Variants in BEND6 observed in about 807,000 individuals in gnomAD.
The protein encoded by BEND6 is BEN domain-containing protein 6.
Under a neutral mutation model 31.8 loss-of-function variants are expected in BEND6, and 24 were observed. The ratio of observed to expected loss-of-function variants is 0.75; its 90% confidence interval spans 0.55 to 1.06. BEND6 has a LOEUF of 1.06. Ranked by LOEUF, BEND6 falls within the 50% of genes least tolerant of loss-of-function variation. BEND6 has a pLI of 0.00. For synonymous variants in BEND6, 109 were observed against 114.6 expected, an observed-to-expected ratio of 0.95 and a Z score of 0.31; for missense variants, 294 against 327.4, an observed-to-expected ratio of 0.90 and a Z score of 0.79.
At chr6:57,017,181 A>G (rs929262588) in intron 4 of BEND6, 26 bp from the exon 5 acceptor site, 1 of 1,544,650 alleles carries the variant, frequency 6.5e-7, no homozygotes, top group Middle Eastern at 1.7e-4. Flanking sequence ...TCTTTTTCCA[A>G]CTTCAACTCT....
At chr6:56,967,833 G>A (rs1222703530) in intron 1 of BEND6, among the ~76,000 whole-genome samples, 1 of 152,190 alleles carries the variant, frequency 6.6e-6, no homozygotes, top group African/African-American at 2.4e-5. Flanking sequence ...TGGCTTGAGC[G>A]TGCTTATGGA....
Position 57,018,577 on chromosome 6 carries a change from A to C in BEND6, c.*9+20A>C, listed in dbSNP as rs1179517275. ...CTTTTGGTAAGTCTTTTAAATCTTC[A>C]GTCCTTTCAATGTGGCAAGAAAATG... On this transcript the variant is annotated intron_variant, in intron 6 of 6. Coordinates refer to ENST00000370746, the MANE Select transcript of BEND6 (RefSeq NM_152731.3). 1.4e-6 allele frequency: 2 copies of C among 1,478,306 alleles called. No individual in the cohort carries two copies. The highest frequency in any genetic ancestry group is 2.9e-5 in the South Asian group (2 of 69,102). The allele number at this position is 1,478,306 out of a possible 1,614,324, so 91.6% of individuals were successfully genotyped here.
intron 2 of BEND6, among the ~76,000 whole-genome samples, chr6:56,984,533 C>T (rs1434337080): frequency 6.6e-6 from 1 of 152,162 alleles, no homozygotes; most frequent in Non-Finnish European, 1.5e-5. Context: ...TTTAGGGAAA[C>T]TCAAGGATTG....
intron 5 of BEND6, among the ~76,000 whole-genome samples, chr6:57,017,913 G>A (rs935287374): frequency 6.6e-6 from 1 of 152,122 alleles, no homozygotes; most frequent in African/African-American, 2.4e-5. Context: ...CTGTCTTCCT[G>A]AAACAAAAAA....
chr6:56,996,305 G>A (rs1826707674), intron 3 of BEND6, among the ~76,000 whole-genome samples: 2 of 152,046 alleles, frequency 1.3e-5, no homozygotes, highest in Admixed American at 6.6e-5. Flanking sequence ...AAATTAGCCA[G>A]GCATGGTGTT....
intron 1 of BEND6, among the ~76,000 whole-genome samples, chr6:56,956,281 T>C (rs1824949063): frequency 6.6e-6 from 1 of 152,246 alleles, no homozygotes; most frequent in Non-Finnish European, 1.5e-5. Flanking sequence ...GTCATAAAAA[T>C]TTATAAAAAT....
chr6:57,009,007 A>T (rs1268933070), intron 3 of BEND6: 6 of 152,232 alleles, frequency 3.9e-5, no homozygotes, highest in Non-Finnish European at 7.3e-5. Context: ...CATTATGTTA[A>T]GTGAAATAAG....
chr6:57,004,421 C>T, intron 3 of BEND6: 1 of 566,276 alleles, frequency 1.8e-6, no homozygotes, highest in South Asian at 1.8e-5. Flanking sequence ...AGCCCTCATC[C>T]CCCCACCCCA....
At position 56,955,401 on chromosome 6, in the gene BEND6, C is replaced by T. The variant is rs973903558; in HGVS notation, c.-160C>T. Reference sequence around the variant, plus strand: ...ACAGGAGCCTCCCGGCGGTGCTACCCTCCACCTCCCACCTCCCTGCGCCCC... The same window carrying T: ...ACAGGAGCCTCCCGGCGGTGCTACCTTCCACCTCCCACCTCCCTGCGCCCC... On this transcript the variant is annotated 5_prime_UTR_variant, in exon 1 of 7. Transcript: ENST00000370746. The T allele has an allele frequency of 6.6e-6, 1 of 152,316 alleles. No individual in the cohort carries two copies. The highest frequency in any genetic ancestry group is 1.5e-5 in the Non-Finnish European group (1 of 68,150). 9.4% of individuals were successfully genotyped at this position (152,316 alleles called of 1,614,324 possible).
intron 3 of BEND6, among the ~76,000 whole-genome samples, chr6:56,992,848 A>G (rs1255625136): frequency 3.9e-5 from 6 of 152,220 alleles, no homozygotes; most frequent in Non-Finnish European, 7.3e-5. Flanking sequence ...CACGACTCAC[A>G]GTGCTAAGCC....
chr6:57,023,002 C>G (rs1827798059), intron 6 of BEND6, among the ~76,000 whole-genome samples: 1 of 152,072 alleles, frequency 6.6e-6, no homozygotes, highest in Non-Finnish European at 1.5e-5. Context: ...GATATGATTT[C>G]TACTGTTTTG....
chr6:56,960,403 A>T (rs1351324958), intron 1 of BEND6, among the ~76,000 whole-genome samples: 1 of 152,226 alleles, frequency 6.6e-6, no homozygotes, highest in Non-Finnish European at 1.5e-5. Context: ...AACATTCTAC[A>T]TCTGAAACTT....
Position 56,980,281 on chromosome 6 carries a change from C to G in BEND6, c.-100-1430C>G, listed in dbSNP as rs536974389. ...TCAGTTCACTACAACTTCCACCTCC[C>G]AGGTTCAAGCAATTCTCATGCCTCA... On this transcript the variant is annotated intron_variant, in intron 1 of 6. Coordinates refer to ENST00000370746, the MANE Select transcript of BEND6 (RefSeq NM_152731.3). 2.0e-5 allele frequency among the ~76,000 whole-genome samples: 3 copies of G among 152,282 alleles called. No homozygotes were observed. The South Asian group carries it at 6.2e-4, about 32-fold the overall frequency.
chr6:56,995,313 C>T (rs1208263562), intron 3 of BEND6, among the ~76,000 whole-genome samples: 1 of 151,972 alleles, frequency 6.6e-6, no homozygotes. Flanking sequence ...CTCCTCAAAA[C>T]TCTTGACTAT....
At chr6:56,987,756 G>A (rs1319559800) in intron 2 of BEND6, among the ~76,000 whole-genome samples, 2 of 151,940 alleles carry the variant, frequency 1.3e-5, no homozygotes, top group African/African-American at 4.8e-5. Flanking sequence ...CTACTCTCAG[G>A]TTAATTCTTT....
intron 1 of BEND6, among the ~76,000 whole-genome samples, chr6:56,975,357 C>A (rs1296430327): frequency 6.6e-6 from 1 of 151,962 alleles, no homozygotes; most frequent in Non-Finnish European, 1.5e-5. Flanking sequence ...GAAGAAAATG[C>A]CTCTCAACAT....
chr6:56,997,955 C>T lies in BEND6; in HGVS notation c.298+5400C>T, dbSNP rs564017132. Among the ~76,000 whole-genome samples, 20 of 151,700 alleles carry T rather than the reference C, an allele frequency of 1.3e-4. No individual in the cohort carries two copies. The East Asian group carries it at 3.1e-3, about 23-fold the overall frequency. ...AACAAAACAAAGATTCCTGCTTTCACGGAGCGTGTGTGTGGGGGTGGGGGG... is the reference window on the plus strand; with the variant it reads ...AACAAAACAAAGATTCCTGCTTTCATGGAGCGTGTGTGTGGGGGTGGGGGG... On this transcript the variant is annotated intron_variant, in intron 3 of 6. Transcript: ENST00000370746.
In BEND6 at chr6:57,014,948, T is replaced by C. The variant is rs568673806; in HGVS notation, c.299-185T>C. On this transcript the variant is annotated intron_variant, in intron 3 of 6. Transcript: ENST00000370746. ...TGCTTTATTATTATTAAGCAATTAC[T>C]AAATTATTTAATAATAAAAGTAAAT... Among the ~76,000 whole-genome samples, 57 of 152,378 alleles carry C rather than the reference T, an allele frequency of 3.7e-4. 1 individual carries two copies. The highest frequency in any genetic ancestry group is 1.3e-3 in the African/African-American group (52 of 41,592).
chr6:57,019,281 C>G (rs145671160), intron 6 of BEND6, among the ~76,000 whole-genome samples: 107 of 152,244 alleles, frequency 7.0e-4, no homozygotes, highest in African/African-American at 2.5e-3. Flanking sequence ...ACTATCCTGG[C>G]TAGCTCACTT....
Sources: gnomAD v4.1 joint callset for allele counts (sites outside exome capture counted in the v4.1 genomes callset) on GRCh38, gnomAD v4.1.1 for gene constraint, MANE v1.5 for transcripts, NCBI Gene and HGNC (gene_info 2026-07-23, HGNC 2026-07-21) for gene names.